Variants in XDH observed in about 807,000 individuals in gnomAD.
XDH encodes the protein xanthine dehydrogenase, also known as xanthine dehydrogenase/oxidase.
A neutral mutation model predicts 156.1 loss-of-function variants in XDH; 138 were observed. The observed-to-expected ratio is 0.88, with a 90% CI of 0.77 to 1.02. The LOEUF (loss-of-function observed/expected upper bound fraction) is 1.02, where lower values mean the gene tolerates loss of function less well. Among genes scored for constraint, XDH ranks in the 50% least tolerant of loss-of-function variants. XDH has a pLI of 0.00. For missense variants in XDH, 1,849 were observed against 1,684.9 expected, an observed-to-expected ratio of 1.10 and a Z score of -1.71; for synonymous variants, 669 against 625.7, an observed-to-expected ratio of 1.07 and a Z score of -1.03.
At chr2:31,361,787 G>A (rs1558686048) in intron 24 of XDH, among the ~76,000 whole-genome samples, 1 of 152,094 alleles carries the variant, frequency 6.6e-6, no homozygotes, top group Non-Finnish European at 1.5e-5. Flanking sequence ...ATGTTTTGAG[G>A]TAGGTCAAAT....
At chr2:31,365,822 A>G (rs1410623512) in intron 22 of XDH, among the ~76,000 whole-genome samples, 154 bp downstream of exon 22, 1 of 152,172 alleles carries the variant, frequency 6.6e-6, no homozygotes, top group Non-Finnish European at 1.5e-5. Flanking sequence ...TTACCCTCCC[A>G]CTATGCCCAA....
At chr2:31,411,472 C>T (rs1413171628) in intron 1 of XDH, among the ~76,000 whole-genome samples, 1 of 151,620 alleles carries the variant, frequency 6.6e-6, no homozygotes, top group Admixed American at 6.6e-5. Context: ...GTGTGTGTGT[C>T]CAGAGTGAGA....
intron 1 of XDH, among the ~76,000 whole-genome samples, chr2:31,409,492 G>A (rs1430900798): frequency 6.6e-6 from 1 of 152,076 alleles, no homozygotes; most frequent in Admixed American, 6.6e-5. Flanking sequence ...TGGTTTTTAT[G>A]TAAATGTTGC....
chr2:31,392,137 G>A (rs977653974), intron 6 of XDH, among the ~76,000 whole-genome samples: 2 of 152,022 alleles, frequency 1.3e-5, no homozygotes, highest in African/African-American at 2.4e-5. Flanking sequence ...ATGTACATGA[G>A]CTCTATAGTG....
At chr2:31,357,166 T>G (rs773977188) in intron 24 of XDH, among the ~76,000 whole-genome samples, 3 of 152,124 alleles carry the variant, frequency 2.0e-5, no homozygotes, top group Non-Finnish European at 2.9e-5. Context: ...GATAGTTAAT[T>G]TAAGCTTTCA....
intron 12 of XDH, among the ~76,000 whole-genome samples, chr2:31,381,369 T>A (rs1267657301): frequency 2.0e-5 from 3 of 152,236 alleles, no homozygotes; most frequent in African/African-American, 7.2e-5. Flanking sequence ...AACAGCAGGC[T>A]GTGGTGAGCC....
chr2:31,373,844 G>T (rs1205762877), intron 16 of XDH, 29 bp downstream of exon 16: 18 of 1,611,732 alleles, frequency 1.1e-5, no homozygotes, highest in Non-Finnish European at 1.5e-5. Flanking sequence ...AAAGTCCCCT[G>T]ATATTAGCCA....
At chr2:31,367,734 T>C (rs1033047415) in intron 20 of XDH, among the ~76,000 whole-genome samples, 3 of 152,072 alleles carry the variant, frequency 2.0e-5, no homozygotes, top group African/African-American at 7.2e-5. Context: ...CTCTAGAATC[T>C]CTCTAGAATC....
rs113335263 is a variant in XDH at position 31,377,369 on chromosome 2, C to T, written c.1243-132G>A. The T allele has an allele frequency of 0.028, 27,154 of 956,762 alleles. 509 individuals carry two copies. Among genetic ancestry groups the T allele is most frequent in the South Asian group, 0.052 (3,802 of 72,790 alleles). 59.3% of individuals were successfully genotyped at this position (956,762 alleles called of 1,614,324 possible). A position where few individuals can be genotyped will look rare whatever the true frequency, so the allele number is the denominator to read the frequency against. The stretch of plus-strand genomic sequence containing the variant: ...CACACATCAGTGGGTGAACTGGCCC[C>T]GGGAATCAAAGATCAAATGTAACTG... On this transcript the variant is annotated intron_variant, in intron 13 of 35. Coordinates refer to ENST00000379416, the MANE Select transcript of XDH (RefSeq NM_000379.4).
intron 24 of XDH, among the ~76,000 whole-genome samples, chr2:31,354,342 C>T (rs954751287): frequency 4.6e-5 from 7 of 152,152 alleles, no homozygotes; most frequent in African/African-American, 9.7e-5. Context: ...ACATTAATGA[C>T]GGGTTTCTCC....
Position 31,370,488 on chromosome 2 carries a change from T to C in XDH, c.1857-10A>G. 6.2e-7 allele frequency: 1 copy of C among 1,614,062 alleles called. No homozygotes were observed. Among genetic ancestry groups the C allele is most frequent in the African/African-American group, 1.3e-5 (1 of 75,044 alleles). The stretch of plus-strand genomic sequence containing the variant: ...TGATGTATCTATGGACCTGCAAGAA[T>C]GAGTGGTGTGAGGGGCCAGGTCAGC... On this transcript the variant is annotated splice_polypyrimidine_tract_variant and intron_variant, in intron 17 of 35. Coordinates refer to ENST00000379416, the MANE Select transcript of XDH (RefSeq NM_000379.4).
chr2:31,357,411 T>C (rs964115182), intron 24 of XDH, among the ~76,000 whole-genome samples: 3 of 152,124 alleles, frequency 2.0e-5, no homozygotes, highest in African/African-American at 4.8e-5. Flanking sequence ...GGGCTATCAC[T>C]ACAGACCCTG....
chr2:31,347,321 T>C lies in XDH; in HGVS notation c.3276+201A>G, dbSNP rs537499978. ...ATCCTGCACTCATCCTTCCCAGCTT[T>C]GAGGGCAGTGATTATGATTCTTGGG... is the stretch of plus-strand genomic sequence containing the variant. On this transcript the variant is annotated intron_variant, in intron 29 of 35. Coordinates refer to ENST00000379416, the MANE Select transcript of XDH (RefSeq NM_000379.4). 2.6e-5 allele frequency among the ~76,000 whole-genome samples: 4 copies of C among 152,324 alleles called. No homozygotes were observed. The South Asian group carries it at 8.3e-4, about 32-fold the overall frequency.
intron 5 of XDH, among the ~76,000 whole-genome samples, chr2:31,398,359 G>C (rs1271966814): frequency 1.3e-5 from 2 of 152,162 alleles, no homozygotes; most frequent in African/African-American, 4.8e-5. Context: ...GGACACAAAG[G>C]CAGGAGACCC....
At chr2:31,344,616 C>G (rs1685229422) in intron 31 of XDH, 68 bp downstream of exon 31, 3 of 1,579,434 alleles carry the variant, frequency 1.9e-6, no homozygotes, top group South Asian at 2.2e-5. Context: ...GGATTCGGTG[C>G]TGGAGTGGAC....
intron 30 of XDH, among the ~76,000 whole-genome samples, chr2:31,346,436 C>G (rs914987437): frequency 1.3e-5 from 2 of 152,086 alleles, no homozygotes; most frequent in Non-Finnish European, 2.9e-5. Context: ...TGGGAGCAGA[C>G]CCACTGAGTC....
intron 30 of XDH, among the ~76,000 whole-genome samples, chr2:31,345,748 T>C (rs958925534): frequency 6.6e-5 from 10 of 152,172 alleles, no homozygotes; most frequent in Admixed American, 1.3e-4. Context: ...TGTGTATGTA[T>C]GTGTTGGTGA....
In XDH at chr2:31,337,825, C is replaced by G; in HGVS notation, c.3775-8G>C. Reference sequence around the variant, plus strand: ...GGGCGGCTCTCCAACAGCCTGAACACAGACAGGGCACAGGGCAGGGGCTCA... The same window carrying G: ...GGGCGGCTCTCCAACAGCCTGAACAGAGACAGGGCACAGGGCAGGGGCTCA... On this transcript the variant is annotated splice_polypyrimidine_tract_variant and splice_region_variant and intron_variant, in intron 34 of 35. Coordinates refer to ENST00000379416, the MANE Select transcript of XDH (RefSeq NM_000379.4). 1.2e-6 allele frequency: 2 copies of G among 1,613,820 alleles called. No homozygotes were observed. The highest frequency in any genetic ancestry group is 1.7e-6 in the Non-Finnish European group (2 of 1,179,896).
At chr2:31,358,643 A>G (rs571860983) in intron 24 of XDH, among the ~76,000 whole-genome samples, 204 of 152,252 alleles carry the variant, frequency 1.3e-3, no homozygotes, top group Non-Finnish European at 1.9e-3. Flanking sequence ...TTAACAAGCT[A>G]AAGAAGAAAA....
Sources: allele counts gnomAD v4.1 joint callset (sites outside exome capture counted in the v4.1 genomes callset), GRCh38; gene constraint gnomAD v4.1.1; transcripts MANE v1.5; gene names NCBI Gene and HGNC (gene_info 2026-07-23, HGNC 2026-07-21).